Variants in NEK11 observed in about 807,000 individuals in gnomAD.
NEK11 encodes the protein serine/threonine-protein kinase Nek11.
A neutral mutation model predicts 80.7 loss-of-function variants in NEK11; 72 were observed. The ratio of observed to expected loss-of-function variants is 0.89; its 90% CI spans 0.74 to 1.08. The LOEUF (loss-of-function observed/expected upper bound fraction) is 1.08, where lower values mean the gene tolerates loss of function less well. NEK11 is among the 50% of genes least tolerant of loss of function. The probability of loss-of-function intolerance (pLI) is 0.00; values close to 1 mark genes in which losing one functional copy is unlikely to be tolerated. For synonymous variants in NEK11, 251 were observed against 260.7 expected (o/e 0.96, Z 0.36); for missense variants, 764 against 763.6 (o/e 1.00, Z -0.01).
Position 131,331,680 on chromosome 3 carries a change from C to T in NEK11, c.1719-17877C>T, listed in dbSNP as rs549779829. On this transcript the variant is annotated intron_variant, in intron 17 of 17. Coordinates refer to ENST00000383366, the MANE Select transcript of NEK11 (RefSeq NM_024800.5). The stretch of plus-strand genomic sequence containing the variant: ...GCAAGGCATTGCCTCACTCGGGAAG[C>T]GCAAGGGGTCAGGGAGTTCCCTTTC... Among the ~76,000 whole-genome samples, 23 of 152,322 alleles carry T rather than the reference C, an allele frequency of 1.5e-4. 1 individual carries two copies. The highest frequency in any genetic ancestry group is 9.7e-4 in the East Asian group (5 of 5,180).
chr3:131,345,470 G>A (rs2097348601), intron 17 of NEK11, among the ~76,000 whole-genome samples: 1 of 152,154 alleles, frequency 6.6e-6, no homozygotes, highest in Non-Finnish European at 1.5e-5. Flanking sequence ...TTAGGAAAAT[G>A]CAAATTAAAA....
At chr3:131,077,373 T>C (rs984504686) in intron 3 of NEK11, among the ~76,000 whole-genome samples, 5 of 152,104 alleles carry the variant, frequency 3.3e-5, no homozygotes, top group Non-Finnish European at 7.4e-5. Flanking sequence ...TGATTTTAGG[T>C]AAGGAAGGTG....
intron 14 of NEK11, among the ~76,000 whole-genome samples, chr3:131,198,982 G>A (rs2094131076): frequency 6.6e-6 from 1 of 152,158 alleles, no homozygotes; most frequent in Non-Finnish European, 1.5e-5. Flanking sequence ...GTATAGGCTG[G>A]ATACGTTCCT....
At chr3:131,260,667 G>A (rs966126302) in intron 16 of NEK11, among the ~76,000 whole-genome samples, 3 of 152,098 alleles carry the variant, frequency 2.0e-5, no homozygotes, top group African/African-American at 7.2e-5. Flanking sequence ...CCTTGATCTA[G>A]GCAAATCTTC....
chr3:131,169,757 TTCTA>T (rs1483935552), intron 13 of NEK11, among the ~76,000 whole-genome samples: 1 of 152,180 alleles, frequency 6.6e-6, no homozygotes, highest in Non-Finnish European at 1.5e-5. Flanking sequence ...ATTATAACAA[TTCTA>T]TCTTTCTCTT....
chr3:131,293,023 G>A (rs573066667), intron 17 of NEK11, among the ~76,000 whole-genome samples: 138 of 152,006 alleles, frequency 9.1e-4, no homozygotes, highest in African/African-American at 3.1e-3. Context: ...ATAGACAATC[G>A]TGTCATCACT....
At chr3:131,085,322 G>C (rs2075830963) in intron 4 of NEK11, among the ~76,000 whole-genome samples, 1 of 152,154 alleles carries the variant, frequency 6.6e-6, no homozygotes, top group Non-Finnish European at 1.5e-5. Context: ...TTGTAATCAA[G>C]GGACTTTCCA....
intron 17 of NEK11, among the ~76,000 whole-genome samples, chr3:131,315,946 C>T (rs1269245268): frequency 6.6e-6 from 1 of 152,020 alleles, no homozygotes; most frequent in Non-Finnish European, 1.5e-5. Flanking sequence ...TTTCTTTATC[C>T]AGTCTGTTAT....
intron 17 of NEK11, among the ~76,000 whole-genome samples, chr3:131,319,809 T>C (rs918579526): frequency 5.9e-5 from 9 of 152,174 alleles, no homozygotes; most frequent in East Asian, 1.9e-4. Context: ...CTATTCTTTA[T>C]GGTGGCTTAG....
chr3:131,279,980 A>G (rs959369872), intron 17 of NEK11, among the ~76,000 whole-genome samples: 7 of 152,190 alleles, frequency 4.6e-5, no homozygotes, highest in African/African-American at 1.7e-4. Flanking sequence ...GCTTTTTGCA[A>G]TGGCTGGGAG....
At chr3:131,211,466 G>T (rs1358876109) in intron 14 of NEK11, among the ~76,000 whole-genome samples, 1 of 152,132 alleles carries the variant, frequency 6.6e-6, no homozygotes, top group African/African-American at 2.4e-5. Context: ...TCTTCTTGAG[G>T]AGTATCTTTG....
intron 17 of NEK11, among the ~76,000 whole-genome samples, chr3:131,274,744 C>T (rs1436428357): frequency 7.1e-6 from 1 of 141,570 alleles, no homozygotes; most frequent in Non-Finnish European, 1.5e-5. Context: ...AGCTCTGCTT[C>T]CCGGGTTCAC....
At chr3:131,233,030 A>T (rs1025094142) in intron 15 of NEK11, among the ~76,000 whole-genome samples, 12 of 141,788 alleles carry the variant, frequency 8.5e-5, no homozygotes, top group East Asian at 2.1e-4. Context: ...GGAAGGAAGG[A>T]AGGAAGGTTG....
At chr3:131,177,225 G>A (rs528356300) in intron 14 of NEK11, among the ~76,000 whole-genome samples, 10 of 152,180 alleles carry the variant, frequency 6.6e-5, no homozygotes, top group Non-Finnish European at 1.0e-4. Context: ...GAATCTTTCA[G>A]ATCTGCCTTT....
intron 17 of NEK11, among the ~76,000 whole-genome samples, chr3:131,342,549 CTTTT>C (rs201528368): frequency 2.2e-5 from 3 of 135,782 alleles, no homozygotes; most frequent in Non-Finnish European, 3.3e-5. Flanking sequence ...CTCCTGGTGT[CTTTT>C]TTTTTTTTTT....
intron 16 of NEK11, among the ~76,000 whole-genome samples, chr3:131,245,733 GTCT>G (rs1291431019): frequency 4.6e-5 from 7 of 151,934 alleles, no homozygotes; most frequent in East Asian, 1.9e-4. Flanking sequence ...GCCCATTTAT[GTCT>G]TCTTCTTTTG....
chr3:131,068,827 A>T (rs1472346959), intron 3 of NEK11, among the ~76,000 whole-genome samples: 23 of 152,208 alleles, frequency 1.5e-4, no homozygotes, highest in Admixed American at 1.5e-3. Context: ...ATTTGGGTAT[A>T]AGCACAACTC....
At chr3:131,251,170 A>G (rs1052186269) in intron 16 of NEK11, among the ~76,000 whole-genome samples, 1 of 150,848 alleles carries the variant, frequency 6.6e-6, no homozygotes, top group Non-Finnish European at 1.5e-5. Context: ...AGTTGTATAA[A>G]CATGTGCTAT....
intron 17 of NEK11, among the ~76,000 whole-genome samples, chr3:131,331,230 C>T (rs1476740278): frequency 1.3e-5 from 2 of 152,186 alleles, no homozygotes. Flanking sequence ...GGTAACAGAA[C>T]TCTTAGTGTG....
Sources: gnomAD v4.1 joint callset for allele counts (sites outside exome capture counted in the v4.1 genomes callset) on GRCh38, gnomAD v4.1.1 for gene constraint, MANE v1.5 for transcripts, NCBI Gene and HGNC (gene_info 2026-07-23, HGNC 2026-07-21) for gene names.